The following NDFIP1 variants were observed in gnomAD, a reference collection of about 807,000 sequenced individuals.
The protein encoded by NDFIP1 is NEDD4 family-interacting protein 1.
NDFIP1 carries 7 observed loss-of-function variants against 28.8 expected under a neutral mutation model. The observed-to-expected ratio is 0.24, with a 90% confidence interval of 0.14 to 0.46. The LOEUF is 0.46. NDFIP1 is among the 20% of genes least tolerant of loss of function. The probability of loss-of-function intolerance (pLI) is 0.99; values close to 1 mark genes in which losing one functional copy is unlikely to be tolerated. For synonymous variants in NDFIP1, 92 were observed against 101.0 expected, an observed-to-expected ratio of 0.91 and a Z score of 0.53; for missense variants, 194 against 269.1, an observed-to-expected ratio of 0.72 and a Z score of 1.95.
chr5:142,150,721 CAAAAAAAAAAA>C (rs11301868), intron 7 of NDFIP1, among the ~76,000 whole-genome samples: 2 of 133,816 alleles, frequency 1.5e-5, no homozygotes, highest in Admixed American at 7.5e-5. Flanking sequence ...CTCTTGTCTC[CAAAAAAAAAAA>C]AAAGAAAAGA....
chr5:142,143,528 T>C (rs1757357048), intron 6 of NDFIP1: 1 of 136,530 alleles, frequency 7.3e-6, no homozygotes, highest in Non-Finnish European at 1.7e-5. Flanking sequence ...CCAGTAAAAG[T>C]ATTTAAAAAA....
intron 1 of NDFIP1, among the ~76,000 whole-genome samples, chr5:142,117,604 G>C (rs558930015): frequency 1.3e-5 from 2 of 152,028 alleles, no homozygotes; most frequent in Non-Finnish European, 2.9e-5. Context: ...GTATTAAATA[G>C]TAATACATTC....
chr5:142,117,728 C>T (rs1596782584), intron 1 of NDFIP1, among the ~76,000 whole-genome samples: 9 of 116,086 alleles, frequency 7.8e-5, no homozygotes, highest in South Asian at 2.9e-4. Flanking sequence ...GTTCTACAGG[C>T]TTTTTTTTTT....
intron 1 of NDFIP1, among the ~76,000 whole-genome samples, chr5:142,122,781 G>C (rs574775646): frequency 1.3e-5 from 2 of 152,126 alleles, no homozygotes; most frequent in East Asian, 3.9e-4. Context: ...TTTGTGAAAT[G>C]TCTATTCAAG....
intron 1 of NDFIP1, among the ~76,000 whole-genome samples, chr5:142,124,829 ATT>A (rs61643712): frequency 4.3e-4 from 62 of 145,792 alleles, no homozygotes; most frequent in East Asian, 4.0e-4. Context: ...CAACTTGAAG[ATT>A]TTTTTTTTTT....
Position 142,153,355 on chromosome 5 carries a change from G to A in NDFIP1, c.*1627G>A, listed in dbSNP as rs1757467109. The A allele has an allele frequency of 2.2e-6, 1 of 456,582 alleles. No homozygotes were observed. The highest frequency in any genetic ancestry group is 4.4e-6 in the Non-Finnish European group (1 of 226,966). 28.3% of individuals were successfully genotyped at this position (456,582 alleles called of 1,614,324 possible). A position where few individuals can be genotyped will look rare whatever the true frequency, so the allele number is the denominator to read the frequency against. On this transcript the variant is annotated 3_prime_UTR_variant, in exon 8 of 8. Transcript: ENST00000253814. Reference sequence around the variant, plus strand: ...TCAGCACCAGCACAGTCTGATAGCTGCAAATGTCCATTCATCTGCTGTGTA... The same window carrying A: ...TCAGCACCAGCACAGTCTGATAGCTACAAATGTCCATTCATCTGCTGTGTA...
intron 1 of NDFIP1, among the ~76,000 whole-genome samples, chr5:142,114,165 C>A (rs1757041903): frequency 6.6e-6 from 1 of 152,154 alleles, no homozygotes; most frequent in South Asian, 2.1e-4. Flanking sequence ...TTTTATTTTC[C>A]CACCAACAAT....
Position 142,108,903 on chromosome 5 carries a change from C to G in NDFIP1, c.-72C>G. 7.6e-7 allele frequency: 1 copy of G among 1,317,874 alleles called. No homozygotes were observed. The highest frequency in any genetic ancestry group is 3.1e-5 in the East Asian group (1 of 31,778). 81.6% of individuals were successfully genotyped at this position (1,317,874 alleles called of 1,614,324 possible). A position where few individuals can be genotyped will look rare whatever the true frequency, so the allele number is the denominator to read the frequency against. On this transcript the variant is annotated 5_prime_UTR_variant, in exon 1 of 8. Coordinates refer to ENST00000253814, the MANE Select transcript of NDFIP1 (RefSeq NM_030571.4). ...GCGTCCCCCTCGGCCTCCCAGCGCTCCCAAGCCGCAGCGGCCGCGCCCCTT... is the reference window on the plus strand; with the variant it reads ...GCGTCCCCCTCGGCCTCCCAGCGCTGCCAAGCCGCAGCGGCCGCGCCCCTT...
intron 1 of NDFIP1, among the ~76,000 whole-genome samples, chr5:142,130,374 A>G (rs1156700310): frequency 6.6e-6 from 1 of 152,208 alleles, no homozygotes; most frequent in East Asian, 1.9e-4. Context: ...AGGGATATCT[A>G]TTGACAGATA....
intron 7 of NDFIP1, among the ~76,000 whole-genome samples, chr5:142,150,139 C>T (rs1757430085): frequency 6.8e-6 from 1 of 147,598 alleles, no homozygotes; most frequent in Non-Finnish European, 1.5e-5. Context: ...CGAAATTGTG[C>T]CACTGCACTC....
intron 2 of NDFIP1, 30 bp downstream of exon 2, chr5:142,131,925 T>A (rs1757232013): frequency 6.5e-7 from 1 of 1,535,436 alleles, no homozygotes. Flanking sequence ...GATCACGGAA[T>A]CCTTAAAAAC....
chr5:142,139,298 A>C lies in NDFIP1; in HGVS notation c.496-1265A>C, dbSNP rs566748341. ...ACTGTGAGTAACAAAAACCTAGCTC[A>C]AAATGGCTTAGAAAAAAATTTTTAA... On this transcript the variant is annotated intron_variant, in intron 5 of 7. Transcript: ENST00000253814. Among the ~76,000 whole-genome samples the C allele has an allele frequency of 2.0e-5, 3 of 152,304 alleles. No homozygotes were observed. In the East Asian group the frequency reaches 5.8e-4, roughly 29 times the overall value.
chr5:142,150,526 G>A, intron 7 of NDFIP1, among the ~76,000 whole-genome samples: 1 of 151,844 alleles, frequency 6.6e-6, no homozygotes, highest in Non-Finnish European at 1.5e-5. Flanking sequence ...TCTCCATTTT[G>A]GCAGCCTTTT....
intron 3 of NDFIP1, chr5:142,133,938 G>A (rs1757249868): frequency 6.6e-6 from 1 of 152,130 alleles, no homozygotes; most frequent in Admixed American, 6.5e-5. Flanking sequence ...ATTTGATGTG[G>A]GCCCGGAGTT....
At chr5:142,140,341 G>A (rs1465914413) in intron 5 of NDFIP1, among the ~76,000 whole-genome samples, 1 of 151,732 alleles carries the variant, frequency 6.6e-6, no homozygotes, top group Non-Finnish European at 1.5e-5. Flanking sequence ...CCAGCTACTC[G>A]GGAGGCTGAG....
At chr5:142,124,092 G>T (rs938218907) in intron 1 of NDFIP1, among the ~76,000 whole-genome samples, 5 of 152,134 alleles carry the variant, frequency 3.3e-5, no homozygotes, top group African/African-American at 1.2e-4. Flanking sequence ...AACCTCAAAG[G>T]CTCTTGGCTG....
At chr5:142,136,920 CGTT>C (rs1208629939) in intron 4 of NDFIP1, among the ~76,000 whole-genome samples, 7 of 17,658 alleles carry the variant, frequency 4.0e-4, no homozygotes, top group African/African-American at 8.5e-4. Context: ...AAAAATTAGC[CGTT>C]AGCCGGGCCT....
At chr5:142,132,011 C>A in intron 2 of NDFIP1, 116 bp downstream of exon 2, 1 of 1,156,406 alleles carries the variant, frequency 8.6e-7, no homozygotes, top group Non-Finnish European at 1.2e-6. Context: ...CAAAGCAAGT[C>A]TGGATTTTAA....
intron 1 of NDFIP1, 76 bp downstream of exon 1, chr5:142,109,113 T>G: frequency 3.2e-5 from 38 of 1,202,672 alleles, no homozygotes; most frequent in Non-Finnish European, 3.7e-5. Context: ...CAGGCCTCTC[T>G]GGCCGGCCCG....
Sources: gnomAD v4.1 joint callset for allele counts (sites outside exome capture counted in the v4.1 genomes callset) on GRCh38, gnomAD v4.1.1 for gene constraint, MANE v1.5 for transcripts, NCBI Gene and HGNC (gene_info 2026-07-23, HGNC 2026-07-21) for gene names.